The following TMCO5A variants were observed in gnomAD, a reference collection of about 807,000 sequenced individuals.
TMCO5A encodes transmembrane and coiled-coil domains 5A.
TMCO5A carries 34 observed loss-of-function variants against 42.3 expected under a neutral mutation model. That is an observed-to-expected ratio of 0.80 (90% CI 0.61 to 1.07). The LOEUF is 1.07. TMCO5A is among the 50% of genes least tolerant of loss of function. The pLI is 0.00. For missense variants in TMCO5A, 357 were observed against 327.9 expected (o/e 1.09, Z -0.69); for synonymous variants, 131 against 115.6 (o/e 1.13, Z -0.86).
the TMCO5A span, among the ~76,000 whole-genome samples, chr15:37,976,217 C>T: frequency 2.0e-5 from 3 of 151,646 alleles, no homozygotes; most frequent in Admixed American, 2.0e-4. Flanking sequence ...CGCACTCCAG[C>T]CTGGGTGACA....
the TMCO5A span, among the ~76,000 whole-genome samples, chr15:38,036,909 T>A: frequency 3.3e-5 from 5 of 152,206 alleles, no homozygotes; most frequent in Admixed American, 3.3e-4. Flanking sequence ...GTGACATGAT[T>A]GTTAGAGGAA....
chr15:38,036,443 C>T, the TMCO5A span, among the ~76,000 whole-genome samples: 3 of 151,890 alleles, frequency 2.0e-5, no homozygotes, highest in Admixed American at 1.3e-4. Flanking sequence ...AAACTTCTCC[C>T]ACTCCAAGCT....
At chr15:37,941,647 T>C in intron 7 of TMCO5A, 24 bp from the exon 8 acceptor site, 1 of 1,564,552 alleles carries the variant, frequency 6.4e-7, no homozygotes, top group Non-Finnish European at 8.8e-7. Context: ...GAAATATATT[T>C]ACAACTAAAT....
Position 37,947,685 on chromosome 15 carries a change from A to C in TMCO5A, c.657A>C (p.Leu219Phe). The C allele has an allele frequency of 6.2e-7, 1 of 1,600,188 alleles. No homozygotes were observed. Among genetic ancestry groups the C allele is most frequent in the Non-Finnish European group, 8.5e-7 (1 of 1,170,966 alleles). The change falls in exon 11 of 12, where the codon TTA becomes TTC. Residue 219 changes from leucine to phenylalanine, a missense_variant. Coordinates refer to ENST00000319669, the MANE Select transcript of TMCO5A (RefSeq NM_152453.4). ...EGTPTQKTAR[L>F]FSKKIFCCLF... ...CTCCTACCCAAAAGACAGCAAGATT[A>C]TTCAGTAAAAAGTAAGTAAAATATC...
intron 11 of TMCO5A, among the ~76,000 whole-genome samples, chr15:37,964,336 G>C (rs2140820144): frequency 6.6e-6 from 1 of 152,292 alleles, no homozygotes; most frequent in Admixed American, 6.5e-5. Flanking sequence ...TCTGCACAGA[G>C]TCCTGTCATA....
intron 11 of TMCO5A, among the ~76,000 whole-genome samples, 158 bp from the exon 12 acceptor site, chr15:37,950,878 T>G (rs975003960): frequency 6.6e-6 from 1 of 151,688 alleles, no homozygotes; most frequent in African/African-American, 2.4e-5. Flanking sequence ...GGACAGAATA[T>G]GGGAGGGGGA....
At chr15:38,033,129 C>T in the TMCO5A span, among the ~76,000 whole-genome samples, 226 of 152,096 alleles carry the variant, frequency 1.5e-3, no homozygotes, top group African/African-American at 5.2e-3. Context: ...AGGGTTTCAC[C>T]GTGTTAGCCA....
At chr15:37,939,387 A>C (rs1475569686) in intron 6 of TMCO5A, among the ~76,000 whole-genome samples, 1 of 152,148 alleles carries the variant, frequency 6.6e-6, no homozygotes, top group African/African-American at 2.4e-5. Context: ...AAAGAGAGAA[A>C]TCAGGAAGAA....
chr15:37,936,841 G>A lies in TMCO5A; in HGVS notation c.141-6G>A, dbSNP rs768619479. ...GGTCCTCATGGCATGTGCTTGTGTTGTCCAGGCTGGAAAGTGAGATCATTC... is the reference window on the plus strand; with the variant it reads ...GGTCCTCATGGCATGTGCTTGTGTTATCCAGGCTGGAAAGTGAGATCATTC... On this transcript the variant is annotated splice_polypyrimidine_tract_variant and splice_region_variant and intron_variant, in intron 3 of 11. Transcript: ENST00000319669. The A allele has an allele frequency of 1.7e-5, 28 of 1,611,244 alleles. No homozygotes were observed. Among genetic ancestry groups the A allele is most frequent in the Non-Finnish European group, 2.4e-5 (28 of 1,178,642 alleles).
At chr15:38,012,314 T>C in the TMCO5A span, among the ~76,000 whole-genome samples, 1 of 152,168 alleles carries the variant, frequency 6.6e-6, no homozygotes, top group African/African-American at 2.4e-5. Flanking sequence ...CCTTCAAAAC[T>C]GTCCTTTTGT....
intron 11 of TMCO5A, among the ~76,000 whole-genome samples, chr15:37,965,048 A>G (rs1026783668): frequency 6.6e-6 from 1 of 152,208 alleles, no homozygotes; most frequent in Non-Finnish European, 1.5e-5. Flanking sequence ...GCAGCACGGT[A>G]CTGGCATAAA....
At chr15:38,031,149 C>A in the TMCO5A span, among the ~76,000 whole-genome samples, 1 of 152,154 alleles carries the variant, frequency 6.6e-6, no homozygotes, top group Non-Finnish European at 1.5e-5. Context: ...TTCCCTTGCA[C>A]CCTTCAGGGA....
chr15:37,952,421 C>T (rs57818294), downstream of TMCO5A, among the ~76,000 whole-genome samples: 2,133 of 152,194 alleles, frequency 0.014, 58 homozygotes, highest in African/African-American at 0.049. Context: ...TCATGAGGCC[C>T]CCTTTCCAGG....
chr15:37,935,909 T>G (rs1303244193), intron 2 of TMCO5A: 1 of 152,550 alleles, frequency 6.6e-6, no homozygotes, highest in African/African-American at 2.4e-5. Context: ...CAACCAGAAG[T>G]GATATGCCAG....
chr15:37,996,457 T>C, the TMCO5A span, among the ~76,000 whole-genome samples: 4 of 152,342 alleles, frequency 2.6e-5, no homozygotes, highest in East Asian at 5.8e-4. Flanking sequence ...AAATATGCTC[T>C]CTACCTGTCT....
At chr15:38,025,506 T>C in the TMCO5A span, among the ~76,000 whole-genome samples, 1 of 152,162 alleles carries the variant, frequency 6.6e-6, no homozygotes, top group Non-Finnish European at 1.5e-5. Context: ...AAATTTTACT[T>C]AGCAGGAGGA....
At chr15:37,985,867 T>A in the TMCO5A span, among the ~76,000 whole-genome samples, 3 of 140,582 alleles carry the variant, frequency 2.1e-5, no homozygotes, top group Admixed American at 6.7e-5. Flanking sequence ...TAGCTTTTCT[T>A]TCATATCAGC....
the TMCO5A span, among the ~76,000 whole-genome samples, chr15:38,022,670 G>A: frequency 3.3e-5 from 5 of 152,146 alleles, no homozygotes; most frequent in South Asian, 1.0e-3. Flanking sequence ...GGGTGATAAT[G>A]ATGTGTCAAT....
chr15:37,947,519 T>C (rs1488233522), intron 10 of TMCO5A, 137 bp from the exon 11 acceptor site: 6 of 613,516 alleles, frequency 9.8e-6, no homozygotes, highest in Non-Finnish European at 1.7e-5. Context: ...GCCTGAAAAT[T>C]ATATGTGCTT....
Sources: allele counts gnomAD v4.1 joint callset (sites outside exome capture counted in the v4.1 genomes callset), GRCh38; gene constraint gnomAD v4.1.1; transcripts MANE v1.5; gene names NCBI Gene and HGNC (gene_info 2026-07-23, HGNC 2026-07-21).